TCF12: variants seen among roughly 807,000 people sequenced by gnomAD.
The protein encoded by TCF12 is DNA-binding protein HTF4.
TCF12 carries 45 observed loss-of-function variants against 86.0 expected under a neutral mutation model. The observed-to-expected ratio is 0.52, with a 90% CI of 0.41 to 0.67. The LOEUF is 0.67. TCF12 is among the 30% of genes least tolerant of loss of function. The pLI is 0.00. For synonymous variants in TCF12, 330 were observed against 299.6 expected (o/e 1.10, Z -1.05); for missense variants, 881 against 859.9 (o/e 1.02, Z -0.31).
At chr15:57,029,900 G>T (rs918916362) in intron 3 of TCF12, among the ~76,000 whole-genome samples, 13 of 152,164 alleles carry the variant, frequency 8.5e-5, no homozygotes, top group Admixed American at 2.6e-4. Context: ...CTATGTTGTA[G>T]GTATCAGTAG....
chr15:57,166,613 T>C, intron 6 of TCF12, 147 bp downstream of exon 6: 1 of 612,462 alleles, frequency 1.6e-6, no homozygotes, highest in Non-Finnish European at 2.5e-6. Context: ...CTCTCTTTGC[T>C]TAAAATTGTT....
intron 8 of TCF12, among the ~76,000 whole-genome samples, chr15:57,200,015 G>A (rs1170344034): frequency 1.1e-4 from 16 of 150,956 alleles, no homozygotes; most frequent in Non-Finnish European, 1.9e-4. Context: ...CCAAGTAGCT[G>A]GGACTACAGG....
chr15:57,153,596 CAG>C (rs1189633689), intron 5 of TCF12, among the ~76,000 whole-genome samples: 2 of 152,022 alleles, frequency 1.3e-5, no homozygotes. Context: ...AAATATGTAA[CAG>C]TAATCTAAAA....
intron 8 of TCF12, among the ~76,000 whole-genome samples, chr15:57,221,445 A>G (rs140872574): frequency 6.6e-6 from 1 of 150,530 alleles, no homozygotes; most frequent in East Asian, 1.9e-4. Flanking sequence ...TTAATTATGT[A>G]GGACCCTGAA....
chr15:57,174,687 A>G (rs1249954534), intron 6 of TCF12, among the ~76,000 whole-genome samples: 1 of 152,258 alleles, frequency 6.6e-6, no homozygotes, highest in Non-Finnish European at 1.5e-5. Context: ...ATATCACAGG[A>G]TACAAAGTCA....
intron 8 of TCF12, among the ~76,000 whole-genome samples, chr15:57,208,470 C>T (rs1400651007): frequency 7.2e-6 from 1 of 139,720 alleles, no homozygotes; most frequent in Non-Finnish European, 1.5e-5. Context: ...GCAACCTCCA[C>T]CTCCTGGGCT....
At position 57,162,079 on chromosome 15, in the gene TCF12, C is replaced by T. The variant is rs142880880; in HGVS notation, c.326-4323C>T. On this transcript the variant is annotated intron_variant, in intron 5 of 20. Coordinates refer to ENST00000333725, the MANE Select transcript of TCF12 (RefSeq NM_207037.2). ...CGCAACACAAGAGTGTAGTAAAAACCCTGTATTAGACTATCCCAGAGAATT... is the reference window on the plus strand; with the variant it reads ...CGCAACACAAGAGTGTAGTAAAAACTCTGTATTAGACTATCCCAGAGAATT... Among the ~76,000 whole-genome samples, 807 of 152,048 alleles carry T rather than the reference C, an allele frequency of 5.3e-3. 1 individual carries two copies. Among genetic ancestry groups the T allele is most frequent in the Non-Finnish European group, 7.8e-3 (531 of 67,986 alleles).
intron 5 of TCF12, among the ~76,000 whole-genome samples, chr15:57,165,161 T>TGC (rs1555524409): frequency 8.0e-5 from 12 of 150,420 alleles, no homozygotes; most frequent in African/African-American, 2.2e-4. Flanking sequence ...TGTGTGTGTG[T>TGC]GTGCGTACAC....
chr15:56,926,987 G>T (rs2060043652), intron 3 of TCF12, among the ~76,000 whole-genome samples: 1 of 152,146 alleles, frequency 6.6e-6, no homozygotes, highest in Non-Finnish European at 1.5e-5. Flanking sequence ...GCTAATCTAG[G>T]ATGAGCTGGT....
chr15:57,046,754 C>T (rs1470496779), intron 3 of TCF12, among the ~76,000 whole-genome samples: 3 of 152,214 alleles, frequency 2.0e-5, no homozygotes, highest in African/African-American at 7.2e-5. Flanking sequence ...CCATACCTGG[C>T]TGATATTCTA....
intron 18 of TCF12, among the ~76,000 whole-genome samples, chr15:57,265,756 G>A (rs2060832639): frequency 6.6e-6 from 1 of 152,128 alleles, no homozygotes; most frequent in South Asian, 2.1e-4. Flanking sequence ...CAATGACATT[G>A]AGGACTTACT....
intron 8 of TCF12, among the ~76,000 whole-genome samples, chr15:57,215,598 C>A (rs1390395637): frequency 2.0e-5 from 3 of 152,094 alleles, no homozygotes; most frequent in South Asian, 2.1e-4. Flanking sequence ...CCAGCCAGAT[C>A]TTCTGGCTTT....
intron 4 of TCF12, among the ~76,000 whole-genome samples, chr15:57,086,472 T>G (rs1478496139): frequency 6.6e-6 from 1 of 151,688 alleles, no homozygotes; most frequent in African/African-American, 2.4e-5. Flanking sequence ...GCTCCAAAAA[T>G]TTCATGTTTA....
intron 3 of TCF12, 109 bp from the exon 4 acceptor site, chr15:57,063,641 T>G: frequency 1.3e-6 from 1 of 744,886 alleles, no homozygotes; most frequent in Non-Finnish European, 2.1e-6. Flanking sequence ...ACTTAGCTCT[T>G]CCACGAAAGC....
chr15:57,006,841 G>A (rs1484546000), intron 3 of TCF12, among the ~76,000 whole-genome samples: 1 of 152,024 alleles, frequency 6.6e-6, no homozygotes. Context: ...GCTTGAGTTA[G>A]GAGGCAGAGG....
chr15:57,041,754 AT>A (rs2066907613), intron 3 of TCF12, among the ~76,000 whole-genome samples: 2 of 152,186 alleles, frequency 1.3e-5, no homozygotes, highest in African/African-American at 4.8e-5. Context: ...AATAATTGAG[AT>A]TTAAAAAAAA....
At chr15:56,927,830 A>G (rs2060082803) in intron 3 of TCF12, among the ~76,000 whole-genome samples, 1 of 152,240 alleles carries the variant, frequency 6.6e-6, no homozygotes, top group African/African-American at 2.4e-5. Context: ...TTACATGTAT[A>G]AAATTAGTGA....
chr15:57,232,956 T>C (rs1566956798), intron 11 of TCF12, 100 bp downstream of exon 11: 1 of 748,678 alleles, frequency 1.3e-6, no homozygotes. Context: ...TATATAAATG[T>C]TATATATATG....
chr15:57,030,221 TATTG>T (rs1361600854), intron 3 of TCF12, among the ~76,000 whole-genome samples: 4 of 152,106 alleles, frequency 2.6e-5, no homozygotes, highest in Non-Finnish European at 5.9e-5. Flanking sequence ...GAGTTTGCTT[TATTG>T]ATTGATTAAT....
Sources: gnomAD v4.1 joint callset for allele counts (sites outside exome capture counted in the v4.1 genomes callset) on GRCh38, gnomAD v4.1.1 for gene constraint, MANE v1.5 for transcripts, NCBI Gene and HGNC (gene_info 2026-07-23, HGNC 2026-07-21) for gene names.